Variants in SCFD2 observed in about 807,000 individuals in gnomAD.
SCFD2 encodes the protein sec1 family domain containing 2.
A neutral mutation model predicts 58.9 loss-of-function variants in SCFD2; 54 were observed. The observed-to-expected ratio is 0.92, with a 90% CI of 0.74 to 1.15. SCFD2 has a LOEUF of 1.15. SCFD2 is among the 50% of genes most tolerant of loss of function. SCFD2 has a pLI of 0.00. For missense variants in SCFD2, 805 were observed against 836.6 expected, an observed-to-expected ratio of 0.96 and a Z score of 0.47; for synonymous variants, 321 against 335.9, an observed-to-expected ratio of 0.96 and a Z score of 0.49.
At chr4:53,206,499 G>C (rs574818915) in intron 4 of SCFD2, among the ~76,000 whole-genome samples, 1 of 152,040 alleles carries the variant, frequency 6.6e-6, no homozygotes, top group Admixed American at 6.6e-5. Flanking sequence ...CCAAAGCATA[G>C]AAAACATGTT....
At chr4:53,139,259 T>C (rs1436568815) in intron 5 of SCFD2, among the ~76,000 whole-genome samples, 1 of 152,168 alleles carries the variant, frequency 6.6e-6, no homozygotes, top group East Asian at 1.9e-4. Context: ...CCTCCCAAAG[T>C]GCCGAGATTG....
chr4:53,359,685 A>C (rs1734498151), intron 1 of SCFD2, among the ~76,000 whole-genome samples: 2 of 152,206 alleles, frequency 1.3e-5, no homozygotes, highest in Non-Finnish European at 2.9e-5. Context: ...AAGAAACCTC[A>C]CCAAACTCTT....
Position 53,121,875 on chromosome 4 carries a change from C to T in SCFD2, c.1561+23458G>A, listed in dbSNP as rs28567955. ...CATTACCCGTGTGATTTTTTTAAAGCAGACATTAATCAAGAATGCTAATAT... is the reference window on the plus strand; with the variant it reads ...CATTACCCGTGTGATTTTTTTAAAGTAGACATTAATCAAGAATGCTAATAT... On this transcript the variant is annotated intron_variant, in intron 5 of 8. Transcript: ENST00000401642. 3.2e-3 allele frequency among the ~76,000 whole-genome samples: 487 copies of T among 152,192 alleles called. 2 individuals are homozygous for T. The highest frequency in any genetic ancestry group is 0.011 in the African/African-American group (476 of 41,508).
intron 4 of SCFD2, among the ~76,000 whole-genome samples, chr4:53,269,960 A>C (rs1731109967): frequency 6.6e-6 from 1 of 152,188 alleles, no homozygotes; most frequent in Non-Finnish European, 1.5e-5. Context: ...CAGGAGGTGG[A>C]GGTTGCAGTG....
rs558156001 is a variant in SCFD2, at chr4:53,092,103, C to T, written c.1561+53230G>A. Among the ~76,000 whole-genome samples the T allele has an allele frequency of 7.9e-5, 12 of 152,136 alleles. 1 individual carries two copies. In the South Asian group the frequency reaches 1.9e-3, roughly 24 times the overall value. On this transcript the variant is annotated intron_variant, in intron 5 of 8. Coordinates refer to ENST00000401642, the MANE Select transcript of SCFD2 (RefSeq NM_152540.4). Reference sequence around the variant, plus strand: ...AGAAATTGTCATATGACATATTGTGCAAATTACAGTGCATATTTGTGCTTC... The same window carrying T: ...AGAAATTGTCATATGACATATTGTGTAAATTACAGTGCATATTTGTGCTTC...
chr4:53,328,048 T>C (rs1733268287), intron 2 of SCFD2, among the ~76,000 whole-genome samples: 1 of 151,966 alleles, frequency 6.6e-6, no homozygotes, highest in Non-Finnish European at 1.5e-5. Context: ...GGCAGGAGAA[T>C]TGCTTGAACC....
At chr4:53,126,239 C>T (rs548633063) in intron 5 of SCFD2, among the ~76,000 whole-genome samples, 38 of 152,148 alleles carry the variant, frequency 2.5e-4, no homozygotes, top group Non-Finnish European at 4.0e-4. Context: ...CCATAATAAT[C>T]GGTTGAAAGG....
At chr4:53,267,466 TAAGGACCCAG>T (rs1731025780) in intron 4 of SCFD2, among the ~76,000 whole-genome samples, 1 of 152,214 alleles carries the variant, frequency 6.6e-6, no homozygotes, top group South Asian at 2.1e-4. Flanking sequence ...CCCTAACTTG[TAAGGACCCAG>T]AAGTGACTGA....
At chr4:53,171,488 T>C (rs1727175239) in intron 4 of SCFD2, among the ~76,000 whole-genome samples, 1 of 152,236 alleles carries the variant, frequency 6.6e-6, no homozygotes, top group Non-Finnish European at 1.5e-5. Flanking sequence ...TCTTTCCTGG[T>C]AATTTCCTTC....
chr4:52,919,285 A>G (rs1257421345), intron 6 of SCFD2, among the ~76,000 whole-genome samples: 2 of 152,146 alleles, frequency 1.3e-5, no homozygotes, highest in African/African-American at 4.8e-5. Flanking sequence ...TTGCTTCTTG[A>G]CATTTTTGGT....
chr4:53,180,002 G>C (rs749863356), intron 4 of SCFD2, among the ~76,000 whole-genome samples: 1 of 152,066 alleles, frequency 6.6e-6, no homozygotes, highest in African/African-American at 2.4e-5. Flanking sequence ...TTCATAAAGC[G>C]AGTCCTTAGT....
chr4:53,204,538 A>C (rs796755007), intron 4 of SCFD2, among the ~76,000 whole-genome samples: 30 of 151,768 alleles, frequency 2.0e-4, no homozygotes, highest in African/African-American at 6.8e-4. Flanking sequence ...AAAAGAAGAC[A>C]AAAGAAATAA....
At chr4:53,073,229 G>A (rs1266745188) in intron 5 of SCFD2, among the ~76,000 whole-genome samples, 2 of 151,988 alleles carry the variant, frequency 1.3e-5, no homozygotes, top group African/African-American at 4.8e-5. Context: ...GAATACAGGA[G>A]GATGTGCATG....
chr4:53,194,887 C>T (rs560292400), intron 4 of SCFD2, among the ~76,000 whole-genome samples: 3 of 152,312 alleles, frequency 2.0e-5, no homozygotes, highest in East Asian at 1.9e-4. Flanking sequence ...TAGAGCCACA[C>T]ATTTGAGCAT....
chr4:53,043,101 T>C (rs1314654077), intron 5 of SCFD2, among the ~76,000 whole-genome samples: 3 of 152,180 alleles, frequency 2.0e-5, no homozygotes, highest in Non-Finnish European at 4.4e-5. Context: ...TTATATTATG[T>C]ATTAATTGAG....
intron 4 of SCFD2, among the ~76,000 whole-genome samples, chr4:53,194,056 T>C (rs916516934): frequency 1.2e-4 from 18 of 152,194 alleles, no homozygotes; most frequent in African/African-American, 4.3e-4. Context: ...CCTACTATGA[T>C]GGATTAGAAT....
At chr4:53,328,531 T>C (rs1291994161) in intron 2 of SCFD2, among the ~76,000 whole-genome samples, 1 of 152,178 alleles carries the variant, frequency 6.6e-6, no homozygotes, top group Non-Finnish European at 1.5e-5. Flanking sequence ...AAATGAGTTA[T>C]AACCCATTGA....
At chr4:53,149,177 C>T (rs1726431118) in intron 4 of SCFD2, among the ~76,000 whole-genome samples, 1 of 152,150 alleles carries the variant, frequency 6.6e-6, no homozygotes, top group Non-Finnish European at 1.5e-5. Context: ...GTGGCCAGAT[C>T]TTAGTTTCTA....
At position 53,087,223 on chromosome 4, in the gene SCFD2, C is replaced by A. The variant is rs575384675; in HGVS notation, c.1561+58110G>T. ...ATCTTTGCTCTAAAGAGGCAAAGAA[C>A]CTGGCTGAATTGTGTTCATGTTTTA... is the stretch of plus-strand genomic sequence containing the variant. On this transcript the variant is annotated intron_variant, in intron 5 of 8. Transcript: ENST00000401642. Among the ~76,000 whole-genome samples, 14 of 152,214 alleles carry A rather than the reference C, an allele frequency of 9.2e-5. No individual in the cohort carries two copies. In the East Asian group the frequency reaches 2.5e-3, roughly 27 times the overall value.
Sources: allele counts gnomAD v4.1 joint callset (sites outside exome capture counted in the v4.1 genomes callset), GRCh38; gene constraint gnomAD v4.1.1; transcripts MANE v1.5; gene names NCBI Gene and HGNC (gene_info 2026-07-23, HGNC 2026-07-21).